TMEM132C: variants seen among roughly 807,000 people sequenced by gnomAD.
TMEM132C encodes transmembrane protein 132C.
Under a neutral mutation model 61.4 loss-of-function variants are expected in TMEM132C, and 29 were observed. The ratio of observed to expected loss-of-function variants is 0.47; its 90% CI spans 0.35 to 0.64. TMEM132C has a LOEUF of 0.64. TMEM132C is among the 30% of genes least tolerant of loss of function. The probability of loss-of-function intolerance (pLI) is 0.00; values close to 1 mark genes in which losing one functional copy is unlikely to be tolerated. For synonymous variants in TMEM132C, 656 were observed against 633.1 expected, an observed-to-expected ratio of 1.04 and a Z score of -0.54; for missense variants, 1,408 against 1,476.9, an observed-to-expected ratio of 0.95 and a Z score of 0.76.
chr12:128,527,461 C>G (rs1287544772), intron 2 of TMEM132C, among the ~76,000 whole-genome samples: 1 of 152,216 alleles, frequency 6.6e-6, no homozygotes, highest in Non-Finnish European at 1.5e-5. Flanking sequence ...TCATCTTCCC[C>G]CTGCCAAAGC....
At chr12:128,596,011 G>A (rs1160651388) in intron 3 of TMEM132C, among the ~76,000 whole-genome samples, 6 of 152,230 alleles carry the variant, frequency 3.9e-5, no homozygotes, top group East Asian at 1.9e-4. Context: ...AGGGCCAGCC[G>A]CCCACTTCCC....
chr12:128,701,217 C>T (rs1449471866), intron 8 of TMEM132C, among the ~76,000 whole-genome samples: 1 of 149,802 alleles, frequency 6.7e-6, no homozygotes, highest in Non-Finnish European at 1.5e-5. Flanking sequence ...TTCCAGAAGC[C>T]AGAGAGTGAC....
chr12:128,503,941 T>C (rs756667087), intron 2 of TMEM132C, among the ~76,000 whole-genome samples: 2 of 152,246 alleles, frequency 1.3e-5, no homozygotes, highest in Non-Finnish European at 2.9e-5. Context: ...CTTTGCCACG[T>C]GGTTCTGGCC....
chr12:128,658,507 T>G (rs1277122331), intron 4 of TMEM132C, among the ~76,000 whole-genome samples: 1 of 151,576 alleles, frequency 6.6e-6, no homozygotes, highest in Non-Finnish European at 1.5e-5. Context: ...GAGGAAGACA[T>G]GATCTTTTTT....
intron 3 of TMEM132C, among the ~76,000 whole-genome samples, chr12:128,597,488 G>GGAAA (rs1287612891): frequency 7.6e-4 from 70 of 92,394 alleles, no homozygotes; most frequent in African/African-American, 2.5e-3. Context: ...AAGGAAGGAA[G>GGAAA]GAAGGAAAGA....
At chr12:128,281,614 C>T (rs1285639240) in intron 1 of TMEM132C, among the ~76,000 whole-genome samples, 3 of 152,220 alleles carry the variant, frequency 2.0e-5, no homozygotes, top group Non-Finnish European at 2.9e-5. Context: ...GCTGACCCTG[C>T]AAAGGGCAAC....
At chr12:128,525,708 C>T (rs992844134) in intron 2 of TMEM132C, among the ~76,000 whole-genome samples, 1 of 152,188 alleles carries the variant, frequency 6.6e-6, no homozygotes, top group Non-Finnish European at 1.5e-5. Flanking sequence ...CTCCGTGCCC[C>T]AGGTTCCTGA....
At chr12:128,487,626 T>TAG (rs1233186177) in intron 2 of TMEM132C, among the ~76,000 whole-genome samples, 1 of 149,618 alleles carries the variant, frequency 6.7e-6, no homozygotes, top group Non-Finnish European at 1.5e-5. Context: ...TATATATATA[T>TAG]ATATGCATGC....
intron 1 of TMEM132C, among the ~76,000 whole-genome samples, chr12:128,397,989 C>A (rs1875021187): frequency 6.6e-6 from 1 of 152,108 alleles, no homozygotes; most frequent in Admixed American, 6.5e-5. Context: ...CATTCCTTAT[C>A]CTATCCCTCT....
At chr12:128,386,798 C>G (rs1480263992) in intron 1 of TMEM132C, among the ~76,000 whole-genome samples, 2 of 152,084 alleles carry the variant, frequency 1.3e-5, no homozygotes, top group Non-Finnish European at 2.9e-5. Context: ...GTAGTAGATG[C>G]TCAGTATTTG....
intron 1 of TMEM132C, among the ~76,000 whole-genome samples, chr12:128,290,466 C>G (rs763302963): frequency 1.3e-5 from 2 of 152,082 alleles, no homozygotes; most frequent in African/African-American, 2.4e-5. Context: ...AGGTCCCTCC[C>G]TTGACATGTG....
At chr12:128,289,052 ACATT>A in intron 1 of TMEM132C, 1 of 152,284 alleles carries the variant, frequency 6.6e-6, no homozygotes, top group Non-Finnish European at 1.5e-5. Context: ...CACCTCCCAC[ACATT>A]CACACACTCA....
At chr12:128,666,351 A>C (rs1954474631) in intron 4 of TMEM132C, among the ~76,000 whole-genome samples, 1 of 152,032 alleles carries the variant, frequency 6.6e-6, no homozygotes, top group Non-Finnish European at 1.5e-5. Flanking sequence ...GCACACACAC[A>C]TTTTTTTCTC....
At chr12:128,338,533 CGT>C (rs1452656804) in intron 1 of TMEM132C, among the ~76,000 whole-genome samples, 2 of 152,058 alleles carry the variant, frequency 1.3e-5, no homozygotes, top group Admixed American at 1.3e-4. Flanking sequence ...TGCTCACCAG[CGT>C]GTCGCATGCC....
chr12:128,500,642 G>A (rs1755118692), intron 2 of TMEM132C, among the ~76,000 whole-genome samples: 1 of 152,096 alleles, frequency 6.6e-6, no homozygotes, highest in African/African-American at 2.4e-5. Flanking sequence ...ACCACAAGGA[G>A]ATACCACTTC....
intron 3 of TMEM132C, among the ~76,000 whole-genome samples, chr12:128,595,701 C>T (rs551917729): frequency 4.5e-4 from 68 of 152,336 alleles, no homozygotes; most frequent in African/African-American, 1.5e-3. Context: ...GGTCAGCCAG[C>T]ATCACCCGTG....
At chr12:128,526,864 G>A (rs1873103180) in intron 2 of TMEM132C, among the ~76,000 whole-genome samples, 1 of 152,178 alleles carries the variant, frequency 6.6e-6, no homozygotes, top group Admixed American at 6.5e-5. Flanking sequence ...CGTGAATGAG[G>A]ACTGCAAAAT....
chr12:128,589,231 G>A (rs1424707822), intron 3 of TMEM132C, among the ~76,000 whole-genome samples: 1 of 151,916 alleles, frequency 6.6e-6, no homozygotes, highest in Non-Finnish European at 1.5e-5. Context: ...ACAAGCGTTA[G>A]TGCAGAACGT....
At chr12:128,582,836 A>G (rs1875395599) in intron 3 of TMEM132C, among the ~76,000 whole-genome samples, 1 of 152,118 alleles carries the variant, frequency 6.6e-6, no homozygotes, top group South Asian at 2.1e-4. Context: ...TGCAGTAGCA[A>G]AAATCTTAGC....
Sources: gnomAD v4.1 joint callset for allele counts (sites outside exome capture counted in the v4.1 genomes callset) on GRCh38, gnomAD v4.1.1 for gene constraint, MANE v1.5 for transcripts, NCBI Gene and HGNC (gene_info 2026-07-23, HGNC 2026-07-21) for gene names.